Variants in ADAM17 observed in about 807,000 individuals in gnomAD.
The protein encoded by ADAM17 is ADAM metallopeptidase domain 17, also known as disintegrin and metalloproteinase domain-containing protein 17.
Under a neutral mutation model 96.7 loss-of-function variants are expected in ADAM17, and 39 were observed. The observed-to-expected ratio is 0.40, with a 90% CI of 0.31 to 0.53. ADAM17 has a LOEUF of 0.53. Ranked by LOEUF, ADAM17 falls within the 20% of genes least tolerant of loss-of-function variation. The pLI, the probability that ADAM17 is intolerant of heterozygous loss-of-function variation, is 0.44. For synonymous variants in ADAM17, 344 were observed against 359.2 expected (o/e 0.96, Z 0.48); for missense variants, 777 against 1,013.2 (o/e 0.77, Z 3.17).
intron 11 of ADAM17, among the ~76,000 whole-genome samples, chr2:9,509,417 A>G (rs896045710): frequency 6.6e-6 from 1 of 152,208 alleles, no homozygotes; most frequent in African/African-American, 2.4e-5. Flanking sequence ...AACCCCCAAT[A>G]GTAAATGATT....
At chr2:9,518,565 A>C (rs1030017408) in intron 8 of ADAM17, among the ~76,000 whole-genome samples, 2 of 152,208 alleles carry the variant, frequency 1.3e-5, no homozygotes, top group African/African-American at 4.8e-5. Flanking sequence ...GCCCAGGACT[A>C]GAGATGCTCC....
At chr2:9,497,585 G>C (rs945648421) in intron 13 of ADAM17, among the ~76,000 whole-genome samples, 1 of 152,190 alleles carries the variant, frequency 6.6e-6, no homozygotes, top group Non-Finnish European at 1.5e-5. Context: ...AGGCTTAAAA[G>C]AACTCCACGG....
chr2:9,536,013 T>C, intron 3 of ADAM17, 91 bp from the exon 4 acceptor site: 1 of 872,596 alleles, frequency 1.1e-6, no homozygotes. Flanking sequence ...TCCTTCAGGG[T>C]GGAATTTGCC....
chr2:9,518,619 C>T (rs1664177472), intron 8 of ADAM17, among the ~76,000 whole-genome samples: 1 of 152,200 alleles, frequency 6.6e-6, no homozygotes, highest in South Asian at 2.1e-4. Context: ...AAACAGATCC[C>T]TCTCAAGTAT....
chr2:9,538,944 C>G (rs1253526022), intron 2 of ADAM17, among the ~76,000 whole-genome samples: 2 of 152,146 alleles, frequency 1.3e-5, no homozygotes, highest in African/African-American at 4.8e-5. Context: ...AGGTATATCA[C>G]TTTCATTTCT....
intron 2 of ADAM17, among the ~76,000 whole-genome samples, 177 bp from the exon 3 acceptor site, chr2:9,537,005 C>G (rs563821094): frequency 1.3e-5 from 2 of 152,206 alleles, no homozygotes; most frequent in African/African-American, 4.8e-5. Context: ...GACAAATGAA[C>G]TAATTTATTT....
rs548381477 is a variant in ADAM17 at position 9,500,931 on chromosome 2, G to A, written c.1648+1242C>T. Among the ~76,000 whole-genome samples the A allele has an allele frequency of 3.3e-5, 5 of 152,344 alleles. No individual in the cohort carries two copies. In the East Asian group the frequency reaches 5.8e-4, roughly 18 times the overall value. ...ACTTATGAAGCTAATAGAAGCAGCT[G>A]TGGAAAATATCTTTTTAACCATCCG... On this transcript the variant is annotated intron_variant, in intron 13 of 18. Transcript: ENST00000310823.
At chr2:9,514,529 ATATATATAT>A (rs2125014112) in intron 10 of ADAM17, among the ~76,000 whole-genome samples, 1 of 7,692 alleles carries the variant, frequency 1.3e-4, no homozygotes, top group East Asian at 2.1e-3. Context: ...ATATATATAT[ATATATATAT>A]ATATATATAT....
chr2:9,555,646 T>C lies in ADAM17; in HGVS notation c.-41A>G, dbSNP rs760272179. 3 of 1,489,486 alleles carry C rather than the reference T, an allele frequency of 2.0e-6. No homozygotes were observed. Among genetic ancestry groups the C allele is most frequent in the Non-Finnish European group, 2.7e-6 (3 of 1,106,886 alleles). 92.3% of individuals were successfully genotyped at this position (1,489,486 alleles called of 1,614,324 possible). A position where few individuals can be genotyped will look rare whatever the true frequency, so the allele number is the denominator to read the frequency against. On this transcript the variant is annotated 5_prime_UTR_variant, in exon 1 of 19. Transcript: ENST00000310823. ...ACCGACTCCACCTCTCTGGGCAGCC[T>C]TCGCCTGACGGGGTTTCGGAAAACT...
At chr2:9,536,558 C>T (rs1441016432) in intron 3 of ADAM17, 140 bp downstream of exon 3, 1 of 1,137,596 alleles carries the variant, frequency 8.8e-7, no homozygotes, top group Non-Finnish European at 1.2e-6. Context: ...AACTTATATA[C>T]CTCAAAGAAA....
chr2:9,515,582 C>A (rs1205359383), intron 10 of ADAM17, among the ~76,000 whole-genome samples: 1 of 151,732 alleles, frequency 6.6e-6, no homozygotes, highest in East Asian at 1.9e-4. Context: ...ACTAAAAATA[C>A]AAAAATTAGC....
intron 12 of ADAM17, among the ~76,000 whole-genome samples, chr2:9,504,352 G>T (rs1172850143): frequency 6.6e-6 from 1 of 152,164 alleles, no homozygotes; most frequent in Non-Finnish European, 1.5e-5. Flanking sequence ...GGCTGAGGCA[G>T]GGGAATCGCT....
chr2:9,491,445 T>A (rs1267292790), intron 17 of ADAM17, among the ~76,000 whole-genome samples: 1 of 152,212 alleles, frequency 6.6e-6, no homozygotes, highest in African/African-American at 2.4e-5. Flanking sequence ...GGCAGGGGAA[T>A]AATAAAGGCA....
chr2:9,515,941 GT>G (rs1664035331), intron 10 of ADAM17, among the ~76,000 whole-genome samples: 1 of 151,960 alleles, frequency 6.6e-6, no homozygotes, highest in Admixed American at 6.6e-5. Context: ...GTTTCTTAAA[GT>G]TTTTTATAGA....
intron 1 of ADAM17, among the ~76,000 whole-genome samples, chr2:9,551,414 T>A (rs1665587413): frequency 6.6e-6 from 1 of 152,208 alleles, no homozygotes; most frequent in Non-Finnish European, 1.5e-5. Context: ...TAATGAGGTA[T>A]CTTGGGGATG....
chr2:9,509,935 A>C (rs749880565), intron 11 of ADAM17, 44 bp downstream of exon 11: 1 of 1,607,078 alleles, frequency 6.2e-7, no homozygotes, highest in African/African-American at 1.3e-5. Context: ...CATTATACAC[A>C]GCCTCTTTCC....
chr2:9,553,496 A>C (rs1665646238), intron 1 of ADAM17, among the ~76,000 whole-genome samples: 1 of 151,940 alleles, frequency 6.6e-6, no homozygotes, highest in African/African-American at 2.4e-5. Context: ...TAACATGGAG[A>C]AACCCCATCT....
rs768531855 is a variant in ADAM17, at chr2:9,543,200, C to T, written c.183G>A (p.Gln61=). 3 of 1,608,080 alleles carry T rather than the reference C, an allele frequency of 1.9e-6. No individual in the cohort carries two copies. The highest frequency in any genetic ancestry group is 2.5e-6 in the Non-Finnish European group (3 of 1,177,342). ...QQHSVRKRDL[Q]TSTHVETLLT... ...GTAGTGTTTCTACATGTGTTGAAGT[C>T]TGTAGATCTCTTTTTCTTACCGAAT... The change falls in exon 2 of 19, where the codon CAG becomes CAA. Residue 61 remains glutamine, a synonymous_variant. Transcript: ENST00000310823.
intron 4 of ADAM17, among the ~76,000 whole-genome samples, 200 bp from the exon 5 acceptor site, chr2:9,528,154 A>C (rs980971765): frequency 6.7e-6 from 1 of 149,654 alleles, no homozygotes; most frequent in Admixed American, 6.6e-5. Context: ...CATAGATTAT[A>C]AACTCTGATT....
Sources: gnomAD v4.1 joint callset for allele counts (sites outside exome capture counted in the v4.1 genomes callset) on GRCh38, gnomAD v4.1.1 for gene constraint, MANE v1.5 for transcripts, NCBI Gene and HGNC (gene_info 2026-07-23, HGNC 2026-07-21) for gene names.